Variants in CDH23 observed in about 807,000 individuals in gnomAD.
CDH23 encodes cadherin-23.
In CDH23, 189 loss-of-function variants were observed where a neutral mutation model predicts 317.1. The observed-to-expected ratio is 0.60, with a 90% CI of 0.53 to 0.67. CDH23 has a LOEUF of 0.67. Ranked by LOEUF, CDH23 falls within the 30% of genes least tolerant of loss-of-function variation. The pLI is 0.00. For missense variants in CDH23, 4,401 were observed against 4,592.4 expected (o/e 0.96, Z 1.20); for synonymous variants, 1,839 against 1,876.8 (o/e 0.98, Z 0.52).
chr10:71,510,517 G>T (rs1853908011), intron 4 of CDH23, among the ~76,000 whole-genome samples: 1 of 152,034 alleles, frequency 6.6e-6, no homozygotes. Context: ...GAGGGTACAA[G>T]TCTACCCCTA....
At chr10:71,444,226 G>A (rs1263663138) in intron 2 of CDH23, among the ~76,000 whole-genome samples, 1 of 152,278 alleles carries the variant, frequency 6.6e-6, no homozygotes, top group Admixed American at 6.5e-5. Flanking sequence ...CTTGCTGTGT[G>A]CCAGTGGCAC....
intron 1 of CDH23, among the ~76,000 whole-genome samples, chr10:71,423,590 A>C (rs1399165508): frequency 6.6e-6 from 1 of 152,092 alleles, no homozygotes; most frequent in Non-Finnish European, 1.5e-5. Context: ...GGAGAATGGG[A>C]TGAGGGGAGG....
chr10:71,798,035 G>A (rs1012090319), intron 49 of CDH23, among the ~76,000 whole-genome samples: 1 of 152,204 alleles, frequency 6.6e-6, no homozygotes, highest in Non-Finnish European at 1.5e-5. Context: ...ACATAGAGGG[G>A]ATACATACAG....
At chr10:71,713,705 C>T in intron 28 of CDH23, 1 of 184,196 alleles carries the variant, frequency 5.4e-6, no homozygotes, top group East Asian at 1.6e-4. Context: ...GAGCATACCC[C>T]CCTGGCCTGG....
chr10:71,627,554 G>C (rs1861800850), intron 11 of CDH23, among the ~76,000 whole-genome samples: 1 of 152,210 alleles, frequency 6.6e-6, no homozygotes, highest in Admixed American at 6.5e-5. Context: ...TTTACGCCAA[G>C]CCCTGTACCC....
intron 3 of CDH23, among the ~76,000 whole-genome samples, chr10:71,453,353 G>T (rs1397443793): frequency 6.6e-6 from 1 of 152,220 alleles, no homozygotes; most frequent in Non-Finnish European, 1.5e-5. Context: ...GGCTGACCCC[G>T]CATCGGCAGT....
chr10:71,689,661 T>C (rs1242778113), intron 19 of CDH23, among the ~76,000 whole-genome samples: 1 of 152,234 alleles, frequency 6.6e-6, no homozygotes, highest in Non-Finnish European at 1.5e-5. Flanking sequence ...GGGCTCAGCC[T>C]GTGGCCTCAA....
intron 39 of CDH23, 57 bp from the exon 40 acceptor site, chr10:71,778,132 G>C: frequency 6.2e-7 from 1 of 1,604,840 alleles, no homozygotes; most frequent in Non-Finnish European, 8.5e-7. Context: ...TTGGTCAGAG[G>C]GTGCTGCAGA....
chr10:71,594,778 A>C lies in CDH23; in HGVS notation c.832+16786A>C, dbSNP rs557317160. ...TTTGAAAGAAAGTTTGCTGACCCCC[A>C]CACACTCTGCATCAGTTAGAAGCCA... On this transcript the variant is annotated intron_variant, in intron 9 of 69. Coordinates refer to ENST00000224721, the MANE Select transcript of CDH23 (RefSeq NM_022124.6). Among the ~76,000 whole-genome samples the C allele has an allele frequency of 1.5e-4, 23 of 152,286 alleles. No homozygotes were observed. The South Asian group carries it at 4.8e-3, about 32-fold the overall frequency.
At chr10:71,724,259 C>T (rs1279102316) in intron 29 of CDH23, among the ~76,000 whole-genome samples, 154 bp downstream of exon 29, 1 of 152,184 alleles carries the variant, frequency 6.6e-6, no homozygotes, top group Non-Finnish European at 1.5e-5. Context: ...GGGACATTCT[C>T]CTTATTCACA....
chr10:71,570,121 C>T (rs1350713106), intron 7 of CDH23, among the ~76,000 whole-genome samples: 2 of 152,064 alleles, frequency 1.3e-5, no homozygotes, highest in East Asian at 1.9e-4. Flanking sequence ...AGGGGGATGG[C>T]CTGTGTGACC....
chr10:71,536,947 C>G (rs965192385), intron 6 of CDH23, among the ~76,000 whole-genome samples: 10 of 152,066 alleles, frequency 6.6e-5, no homozygotes, highest in African/African-American at 2.4e-4. Context: ...ACAGTCTGGC[C>G]TATAAAACTG....
At chr10:71,539,792 C>T (rs1244399658) in intron 6 of CDH23, among the ~76,000 whole-genome samples, 1 of 151,954 alleles carries the variant, frequency 6.6e-6, no homozygotes, top group Admixed American at 6.6e-5. Context: ...CCATTTACCC[C>T]TTTCTCTGAC....
At chr10:71,548,564 T>A (rs374819950) in intron 6 of CDH23, among the ~76,000 whole-genome samples, 1 of 152,172 alleles carries the variant, frequency 6.6e-6, no homozygotes, top group African/African-American at 2.4e-5. Context: ...CACAGTCCCA[T>A]GTGCATGTGC....
Position 71,784,898 on chromosome 10 carries a change from T to C in CDH23, c.5510T>C (p.Val1837Ala), listed in dbSNP as rs762881623. Reference sequence around the variant, plus strand: ...CTTCTCTGACTGGCCCAGATGCTGGTGGGGATCCGGGTGCTGGACATCAAC... The same window carrying C: ...CTTCTCTGACTGGCCCAGATGCTGGCGGGGATCCGGGTGCTGGACATCAAC... ...GMPPLSSTML[V>A]GIRVLDINDN... The change falls in exon 43 of 70, where the codon GTG becomes GCG. Residue 1837 changes from valine to alanine, a missense_variant. Around this residue, in one of 3 missense-constraint regions of CDH23, gnomAD observed 3,068 missense variants for 3,203.3 expected, o/e 0.96. Coordinates refer to ENST00000224721, the MANE Select transcript of CDH23 (RefSeq NM_022124.6). The C allele has an allele frequency of 2.5e-6, 4 of 1,613,522 alleles. No individual in the cohort carries two copies. In the South Asian group the frequency reaches 4.4e-5, roughly 18 times the overall value.
At chr10:71,667,148 C>A (rs530957742) in intron 14 of CDH23, among the ~76,000 whole-genome samples, 1 of 152,342 alleles carries the variant, frequency 6.6e-6, no homozygotes, top group East Asian at 1.9e-4. Flanking sequence ...TGCTTCAGAG[C>A]AGAAGCCCCG....
chr10:71,582,820 C>T (rs1463364536), intron 9 of CDH23, among the ~76,000 whole-genome samples: 2 of 152,220 alleles, frequency 1.3e-5, no homozygotes, highest in Non-Finnish European at 2.9e-5. Flanking sequence ...GAGACCAGGG[C>T]ACCATCTTCG....
chr10:71,606,464 G>A (rs1860532137), intron 9 of CDH23, among the ~76,000 whole-genome samples: 1 of 152,304 alleles, frequency 6.6e-6, no homozygotes, highest in East Asian at 1.9e-4. Context: ...GACATCAGGA[G>A]TCACCCCAGT....
chr10:71,724,071 C>T lies in CDH23; in HGVS notation c.3396C>T (p.Gly1132=), dbSNP rs370172637. ...LQLKATDADE[G]EFGRVWYRIL... Reference sequence around the variant, plus strand: ...TGAAAGCCACGGACGCAGATGAGGGCGAGTTTGGGCGTGTGTGGTACCGCA... The same window carrying T: ...TGAAAGCCACGGACGCAGATGAGGGTGAGTTTGGGCGTGTGTGGTACCGCA... The change falls in exon 29 of 70, where the codon GGC becomes GGT. Residue 1132 remains glycine, a synonymous_variant. Transcript: ENST00000224721. 5 of 1,560,288 alleles carry T rather than the reference C, an allele frequency of 3.2e-6. No individual in the cohort carries two copies. Among genetic ancestry groups the T allele is most frequent in the African/African-American group, 2.7e-5 (2 of 73,654 alleles).
Sources: gnomAD v4.1 joint callset for allele counts (sites outside exome capture counted in the v4.1 genomes callset) on GRCh38, gnomAD v4.1.1 for gene constraint, gnomAD v4.1.1 regional missense constraint, MANE v1.5 for transcripts, NCBI Gene and HGNC (gene_info 2026-07-23, HGNC 2026-07-21) for gene names.